Variants in CHST9 observed in about 807,000 individuals in gnomAD.
CHST9 encodes the protein GalNAc-4-sulfotransferase 2.
A neutral mutation model predicts 44.4 loss-of-function variants in CHST9; 41 were observed. That is an observed-to-expected ratio of 0.92 (90% CI 0.72 to 1.20). CHST9 has a LOEUF of 1.20. Ranked by LOEUF, CHST9 falls within the 50% of genes most tolerant of loss-of-function variation. The pLI, the probability that CHST9 is intolerant of heterozygous loss-of-function variation, is 0.00. For synonymous variants in CHST9, 171 were observed against 178.4 expected (o/e 0.96, Z 0.33); for missense variants, 504 against 516.5 (o/e 0.98, Z 0.23).
chr18:27,085,079 A>G (rs2057999080), intron 2 of CHST9, among the ~76,000 whole-genome samples: 1 of 152,108 alleles, frequency 6.6e-6, no homozygotes, highest in Non-Finnish European at 1.5e-5. Context: ...TCAGTTTTAG[A>G]GTATATGCCA....
At chr18:27,121,444 G>T in intron 2 of CHST9, among the ~76,000 whole-genome samples, 1 of 152,166 alleles carries the variant, frequency 6.6e-6, no homozygotes, top group Admixed American at 6.5e-5. Flanking sequence ...AGCCACAGGT[G>T]AAGAAGGTCT....
rs1287884405 is a variant in CHST9, at chr18:26,912,591, ATC to A, written c.*3666_*3667del. On this transcript the variant is annotated 3_prime_UTR_variant, in exon 6 of 6. Coordinates refer to ENST00000618847, the MANE Select transcript of CHST9 (RefSeq NM_031422.6). ...CATCCTGGCTTCTGACCTACTTATC[ATC>A]TCTGTCTCCTTAGGCAAGTTACTCA... 3.9e-5 allele frequency: 6 copies of A among 152,088 alleles called. No homozygotes were observed. Among genetic ancestry groups the A allele is most frequent in the Admixed American group, 3.3e-4 (5 of 15,252 alleles). The allele number at this position is 152,088 out of a possible 1,614,324, so 9.4% of individuals were successfully genotyped here. A position where few individuals can be genotyped will look rare whatever the true frequency, so the allele number is the denominator to read the frequency against.
rs2055418485 is a variant in CHST9 at position 26,909,956 on chromosome 18, G to A, written c.*6303C>T. On this transcript the variant is annotated 3_prime_UTR_variant, in exon 6 of 6. Transcript: ENST00000618847. ...AATCTTCGGAGAAGGCTGGGAAGCA[G>A]GTGATTTTTAGAGTTGAGGAAGCGG... is the stretch of plus-strand genomic sequence containing the variant. The A allele has an allele frequency of 6.6e-6, 1 of 152,242 alleles. No individual in the cohort carries two copies. Among genetic ancestry groups the A allele is most frequent in the African/African-American group, 2.4e-5 (1 of 41,434 alleles). 9.4% of individuals were successfully genotyped at this position (152,242 alleles called of 1,614,324 possible).
In CHST9 at chr18:27,022,543, T is replaced by C. The variant is rs1026582163; in HGVS notation, c.202+1573A>G. ...ATCTTTTCTTGGTAATATACCTTTA[T>C]GTATAGACCATACACTACTCCCACA... On this transcript the variant is annotated intron_variant, in intron 4 of 5. Transcript: ENST00000618847. Among the ~76,000 whole-genome samples the C allele has an allele frequency of 2.6e-5, 4 of 152,368 alleles. No homozygotes were observed. In the East Asian group the frequency reaches 7.7e-4, roughly 29 times the overall value.
intron 2 of CHST9, among the ~76,000 whole-genome samples, chr18:27,098,669 A>T (rs2058141588): frequency 2.0e-5 from 3 of 152,102 alleles, no homozygotes; most frequent in Admixed American, 2.0e-4. Context: ...GGATGAAGCT[A>T]GAAGCCATCA....
intron 5 of CHST9, among the ~76,000 whole-genome samples, chr18:26,943,630 G>A (rs556390920): frequency 6.6e-6 from 1 of 152,252 alleles, no homozygotes; most frequent in Non-Finnish European, 1.5e-5. Context: ...CACAGGCAGG[G>A]TTTGGAGAAA....
intron 5 of CHST9, among the ~76,000 whole-genome samples, chr18:26,932,608 A>C (rs1423354802): frequency 6.6e-6 from 1 of 152,116 alleles, no homozygotes; most frequent in Non-Finnish European, 1.5e-5. Context: ...GGACCAAGGA[A>C]CCTGGTCCCC....
At chr18:27,061,287 G>A (rs896990895) in intron 2 of CHST9, among the ~76,000 whole-genome samples, 2 of 152,176 alleles carry the variant, frequency 1.3e-5, no homozygotes, top group Non-Finnish European at 2.9e-5. Flanking sequence ...ATAAGTTCAA[G>A]TTTTTGGTTA....
chr18:27,129,394 T>C (rs539587078), intron 2 of CHST9, among the ~76,000 whole-genome samples: 1 of 152,182 alleles, frequency 6.6e-6, no homozygotes, highest in South Asian at 2.1e-4. Context: ...TTTATTTTTA[T>C]TTTTAGATAG....
intron 1 of CHST9, among the ~76,000 whole-genome samples, chr18:27,169,694 C>T (rs569848396): frequency 6.7e-6 from 1 of 150,158 alleles, no homozygotes; most frequent in South Asian, 2.1e-4. Context: ...GCAAGCTCCG[C>T]CTCCCAGGTT....
chr18:26,919,047 G>T (rs2055594814), intron 5 of CHST9, among the ~76,000 whole-genome samples: 1 of 152,074 alleles, frequency 6.6e-6, no homozygotes, highest in African/African-American at 2.4e-5. Flanking sequence ...AGTGTGCAGG[G>T]GAACTGCCCT....
chr18:27,176,317 G>T (rs1231828494), intron 1 of CHST9, among the ~76,000 whole-genome samples: 2 of 152,008 alleles, frequency 1.3e-5, no homozygotes, highest in East Asian at 3.9e-4. Context: ...ATTGGAGGAT[G>T]AATTTGGGGG....
At chr18:27,142,228 T>C (rs1407350433) in intron 2 of CHST9, among the ~76,000 whole-genome samples, 3 of 152,236 alleles carry the variant, frequency 2.0e-5, no homozygotes, top group African/African-American at 7.2e-5. Flanking sequence ...TAGTCCTTTA[T>C]AGAAAAGATT....
At chr18:26,966,025 T>C (rs2056460181) in intron 4 of CHST9, among the ~76,000 whole-genome samples, 1 of 152,252 alleles carries the variant, frequency 6.6e-6, no homozygotes, top group African/African-American at 2.4e-5. Flanking sequence ...TTGCACAGTT[T>C]GGCAAAAAGT....
chr18:26,932,225 A>G (rs549959623), intron 5 of CHST9, among the ~76,000 whole-genome samples: 14 of 152,336 alleles, frequency 9.2e-5, no homozygotes, highest in Admixed American at 5.9e-4. Context: ...CAACAATGAT[A>G]TAAGTCAGCA....
At chr18:27,164,682 C>T (rs9959209) in intron 1 of CHST9, among the ~76,000 whole-genome samples, 1,704 of 152,180 alleles carry the variant, frequency 0.011, 25 homozygotes, top group African/African-American at 0.036. Flanking sequence ...CATTTCAGAA[C>T]ACTGGTAATA....
intron 2 of CHST9, among the ~76,000 whole-genome samples, chr18:27,102,801 T>A (rs917104553): frequency 6.6e-6 from 1 of 152,206 alleles, no homozygotes; most frequent in African/African-American, 2.4e-5. Context: ...CCAACAGGAC[T>A]CAAAGCTACA....
At chr18:27,157,888 T>C (rs1378216618) in intron 1 of CHST9, among the ~76,000 whole-genome samples, 2 of 152,170 alleles carry the variant, frequency 1.3e-5, no homozygotes, top group Admixed American at 6.5e-5. Flanking sequence ...TTTAGTGTTA[T>C]GAATATGCTG....
At chr18:27,066,430 G>C (rs557685728) in intron 2 of CHST9, among the ~76,000 whole-genome samples, 1 of 152,166 alleles carries the variant, frequency 6.6e-6, no homozygotes, top group Non-Finnish European at 1.5e-5. Flanking sequence ...TTAAGTTATA[G>C]TAAAATAAAA....
Sources: gnomAD v4.1 joint callset for allele counts (sites outside exome capture counted in the v4.1 genomes callset) on GRCh38, gnomAD v4.1.1 for gene constraint, MANE v1.5 for transcripts, NCBI Gene and HGNC (gene_info 2026-07-23, HGNC 2026-07-21) for gene names.